LRGUK: variants seen among roughly 807,000 people sequenced by gnomAD.
LRGUK encodes leucine-rich repeat and guanylate kinase domain-containing protein.
LRGUK carries 65 observed loss-of-function variants against 76.0 expected under a neutral mutation model. The ratio of observed to expected loss-of-function variants is 0.85; its 90% CI spans 0.70 to 1.05. The LOEUF is 1.05. LRGUK is among the 50% of genes least tolerant of loss of function. LRGUK has a pLI of 0.00. For synonymous variants in LRGUK, 268 were observed against 265.6 expected, an observed-to-expected ratio of 1.01 and a Z score of -0.09; for missense variants, 758 against 732.8, an observed-to-expected ratio of 1.03 and a Z score of -0.40.
intron 5 of LRGUK, among the ~76,000 whole-genome samples, chr7:134,154,273 A>G (rs1798367621): frequency 6.6e-6 from 1 of 152,224 alleles, no homozygotes; most frequent in South Asian, 2.1e-4. Context: ...GTAGTGATTT[A>G]TCAGATTATG....
chr7:134,129,960 G>A (rs535902862), intron 1 of LRGUK, among the ~76,000 whole-genome samples: 6 of 151,970 alleles, frequency 3.9e-5, no homozygotes, highest in South Asian at 4.2e-4. Context: ...TCTAACCTGC[G>A]GTGTCTTCTG....
At chr7:134,195,003 A>G (rs1459702035) in intron 12 of LRGUK, among the ~76,000 whole-genome samples, 1 of 152,198 alleles carries the variant, frequency 6.6e-6, no homozygotes, top group African/African-American at 2.4e-5. Context: ...TTTAAGGACA[A>G]CTTAGTGGGT....
chr7:134,213,448 T>G (rs974052007), downstream of LRGUK, among the ~76,000 whole-genome samples: 2 of 152,112 alleles, frequency 1.3e-5, no homozygotes, highest in Non-Finnish European at 2.9e-5. Context: ...AGGAAGAAAA[T>G]TAAGATCATT....
chr7:134,171,797 GTC>G (rs1563159975), intron 7 of LRGUK, among the ~76,000 whole-genome samples: 2 of 152,174 alleles, frequency 1.3e-5, no homozygotes, highest in African/African-American at 4.8e-5. Flanking sequence ...TGCTGTAAAA[GTC>G]TGTTATGCAC....
chr7:134,215,252 T>C (rs1801406391), downstream of LRGUK, among the ~76,000 whole-genome samples: 1 of 152,100 alleles, frequency 6.6e-6, no homozygotes, highest in Admixed American at 6.5e-5. Flanking sequence ...ACCTTTACTA[T>C]GGTGATAGAC....
intron 5 of LRGUK, among the ~76,000 whole-genome samples, chr7:134,153,185 T>G (rs1798302432): frequency 6.6e-6 from 1 of 152,084 alleles, no homozygotes; most frequent in Non-Finnish European, 1.5e-5. Flanking sequence ...AATTATAAAT[T>G]AATTTCTTTG....
intron 18 of LRGUK, among the ~76,000 whole-genome samples, chr7:134,251,469 G>A (rs949920198): frequency 5.6e-4 from 86 of 152,296 alleles, no homozygotes; most frequent in African/African-American, 1.9e-3. Context: ...CTCCATAACT[G>A]TGAGACAATC....
At chr7:134,155,074 G>T (rs80037623) in intron 5 of LRGUK, among the ~76,000 whole-genome samples, 1 of 152,108 alleles carries the variant, frequency 6.6e-6, no homozygotes, top group East Asian at 1.9e-4. Flanking sequence ...GAGCTACCAG[G>T]ACACTTTAGT....
At chr7:134,196,852 C>A in intron 12 of LRGUK, 140 bp from the exon 13 acceptor site, 1 of 486,876 alleles carries the variant, frequency 2.1e-6, no homozygotes, top group Non-Finnish European at 3.6e-6. Context: ...GTTTCATTTA[C>A]CCCATTGTCA....
intron 12 of LRGUK, among the ~76,000 whole-genome samples, chr7:134,192,013 A>G (rs1240697618): frequency 6.6e-6 from 1 of 152,194 alleles, no homozygotes; most frequent in Non-Finnish European, 1.5e-5. Flanking sequence ...ATAGAACTAA[A>G]GCAGTATGAA....
At chr7:134,186,063 G>A (rs959576533) in intron 11 of LRGUK, among the ~76,000 whole-genome samples, 1 of 152,138 alleles carries the variant, frequency 6.6e-6, no homozygotes, top group Non-Finnish European at 1.5e-5. Flanking sequence ...CGTAAATTTG[G>A]AACTTTTTAG....
At chr7:134,137,172 A>G (rs1277926855) in intron 2 of LRGUK, 42 bp downstream of exon 2, 4 of 1,391,856 alleles carry the variant, frequency 2.9e-6, no homozygotes, top group Non-Finnish European at 3.0e-6. Context: ...ACAGCTTGAC[A>G]CTGGCTAGAC....
intron 2 of LRGUK, 28 bp from the exon 3 acceptor site, chr7:134,139,408 T>G (rs763640417): frequency 1.4e-6 from 2 of 1,460,962 alleles, no homozygotes; most frequent in Non-Finnish European, 1.9e-6. Context: ...AAAGCAACAT[T>G]AAAGTCTTTT....
At chr7:134,149,972 T>C (rs557776878) in intron 5 of LRGUK, among the ~76,000 whole-genome samples, 84 of 152,220 alleles carry the variant, frequency 5.5e-4, no homozygotes, top group African/African-American at 1.9e-3. Context: ...ACATTAAAGC[T>C]TAAGAAACAC....
chr7:134,272,499 T>C, the LRGUK span, among the ~76,000 whole-genome samples: 1 of 152,040 alleles, frequency 6.6e-6, no homozygotes, highest in Admixed American at 6.6e-5. Context: ...CAGAAGTAAA[T>C]ACCACACAAA....
downstream of LRGUK, among the ~76,000 whole-genome samples, chr7:134,267,046 G>A (rs1445278651): frequency 6.6e-6 from 1 of 152,118 alleles, no homozygotes; most frequent in Non-Finnish European, 1.5e-5. Context: ...TGTCCTTCAG[G>A]TATGAAGGAG....
chr7:134,203,277 C>A (rs1224551494), intron 15 of LRGUK, among the ~76,000 whole-genome samples: 1 of 152,176 alleles, frequency 6.6e-6, no homozygotes, highest in South Asian at 2.1e-4. Flanking sequence ...AAAACTTTCC[C>A]TTGATGGACT....
intron 5 of LRGUK, among the ~76,000 whole-genome samples, chr7:134,152,116 C>G (rs1302511579): frequency 6.6e-6 from 1 of 151,970 alleles, no homozygotes; most frequent in Non-Finnish European, 1.5e-5. Flanking sequence ...TTGCAAATGA[C>G]ATGTTTATCT....
At chr7:134,203,300 C>T (rs1311377418) in intron 15 of LRGUK, among the ~76,000 whole-genome samples, 2 of 152,270 alleles carry the variant, frequency 1.3e-5, no homozygotes, top group African/African-American at 4.8e-5. Flanking sequence ...ACCCCATTCA[C>T]ACACTGCATA....
Sources: allele counts gnomAD v4.1 joint callset (sites outside exome capture counted in the v4.1 genomes callset), GRCh38; gene constraint gnomAD v4.1.1; transcripts MANE v1.5; gene names NCBI Gene and HGNC (gene_info 2026-07-23, HGNC 2026-07-21).